The following MCC variants were observed in gnomAD, a reference collection of about 807,000 sequenced individuals.
The protein encoded by MCC is MCC regulator of Wnt signaling pathway.
MCC carries 90 observed loss-of-function variants against 116.2 expected under a neutral mutation model. The ratio of observed to expected loss-of-function variants is 0.77; its 90% CI spans 0.65 to 0.92. The LOEUF (loss-of-function observed/expected upper bound fraction) is 0.92. Among genes scored for constraint, MCC ranks in the 40% least tolerant of loss-of-function variants. The probability of loss-of-function intolerance (pLI) is 0.00; values close to 1 mark genes in which losing one functional copy is unlikely to be tolerated. For missense variants in MCC, 1,516 were observed against 1,312.2 expected (o/e 1.16, Z -2.40); for synonymous variants, 578 against 510.5 (o/e 1.13, Z -1.78).
rs1193489777 is a variant in MCC at position 113,434,230 on chromosome 5, C to T, written c.171-49018G>A. 2.5e-6 allele frequency: 4 copies of T among 1,614,074 alleles called. No individual in the cohort carries two copies. The highest frequency in any genetic ancestry group is 2.5e-6 in the Non-Finnish European group (3 of 1,179,954). ...CCGCAGACCATGATGTAGAGGATCA[C>T]GCCTAGGCTCCAGATGTCGTACACC... On this transcript the variant is annotated intron_variant, in intron 1 of 18. Transcript: ENST00000408903. This position sits in a 1 kb window ranked among gnomAD's most constrained non-coding sequence, Gnocchi z 4.2.
chr5:113,309,595 C>T (rs1380971828), intron 3 of MCC, among the ~76,000 whole-genome samples: 1 of 152,152 alleles, frequency 6.6e-6, no homozygotes, highest in Non-Finnish European at 1.5e-5. Flanking sequence ...CACATATATA[C>T]ACACACACCA....
chr5:113,385,938 C>T (rs1769244152), intron 1 of MCC, among the ~76,000 whole-genome samples: 1 of 151,782 alleles, frequency 6.6e-6, no homozygotes, highest in Admixed American at 6.6e-5. Flanking sequence ...GTGTATCCAG[C>T]CTATAGAGTC....
intron 3 of MCC, among the ~76,000 whole-genome samples, chr5:113,315,151 G>C (rs954481840): frequency 6.6e-6 from 1 of 152,144 alleles, no homozygotes; most frequent in Non-Finnish European, 1.5e-5. Context: ...ATTGGCTGAG[G>C]TGCTTTTAAG....
At chr5:113,082,219 T>C (rs1754911960) in intron 11 of MCC, among the ~76,000 whole-genome samples, 1 of 152,258 alleles carries the variant, frequency 6.6e-6, no homozygotes, top group East Asian at 1.9e-4. Flanking sequence ...GGGTATATGG[T>C]AAAATTACTC....
chr5:113,297,821 G>A (rs1766753451), intron 3 of MCC, among the ~76,000 whole-genome samples: 1 of 151,254 alleles, frequency 6.6e-6, no homozygotes, highest in East Asian at 1.9e-4. Flanking sequence ...GAAAGTAGAT[G>A]GAAATTGTGG....
intron 1 of MCC, among the ~76,000 whole-genome samples, chr5:113,426,733 T>C (rs1411849656): frequency 6.6e-6 from 1 of 152,234 alleles, no homozygotes; most frequent in Non-Finnish European, 1.5e-5. Context: ...GAATTCGTGA[T>C]GTCTCAAATA....
At chr5:113,385,606 G>C (rs1480039812) in intron 1 of MCC, among the ~76,000 whole-genome samples, 1 of 152,168 alleles carries the variant, frequency 6.6e-6, no homozygotes, top group African/African-American at 2.4e-5. Context: ...ACTCTTGGCA[G>C]AGTCCAAAAC....
At chr5:113,143,753 T>C (rs375112941) in intron 4 of MCC, among the ~76,000 whole-genome samples, 2 of 152,072 alleles carry the variant, frequency 1.3e-5, no homozygotes, top group African/African-American at 2.4e-5. Context: ...TTGCATGGAG[T>C]TGATTCAGAA....
intron 18 of MCC, among the ~76,000 whole-genome samples, 159 bp from the exon 19 acceptor site, chr5:113,027,641 A>G (rs1369603497): frequency 6.6e-6 from 1 of 152,058 alleles, no homozygotes; most frequent in Non-Finnish European, 1.5e-5. Flanking sequence ...CAGAGGAGGG[A>G]CAGCACCAGG....
intron 1 of MCC, among the ~76,000 whole-genome samples, chr5:113,464,403 T>C (rs1158833981): frequency 1.3e-5 from 2 of 152,330 alleles, no homozygotes; most frequent in East Asian, 3.9e-4. Flanking sequence ...CCTTTGCTGT[T>C]CCTTTAATCA....
intron 3 of MCC, among the ~76,000 whole-genome samples, chr5:113,282,904 T>C (rs971802411): frequency 2.0e-5 from 3 of 152,196 alleles, no homozygotes; most frequent in Non-Finnish European, 4.4e-5. Flanking sequence ...GCTAAAGCCC[T>C]CTCCTAAAAC....
At chr5:113,178,597 ACTT>A (rs1249843357) in intron 3 of MCC, among the ~76,000 whole-genome samples, 2 of 152,148 alleles carry the variant, frequency 1.3e-5, no homozygotes, top group Non-Finnish European at 2.9e-5. Context: ...AGATAGCTAA[ACTT>A]CTGCCAACAA....
At chr5:113,128,252 C>CAGAT (rs1358929559) in intron 5 of MCC, among the ~76,000 whole-genome samples, 1 of 152,178 alleles carries the variant, frequency 6.6e-6, no homozygotes, top group Non-Finnish European at 1.5e-5. Context: ...GGAGAAGAGC[C>CAGAT]AGATGGTCAT....
intron 1 of MCC, among the ~76,000 whole-genome samples, chr5:113,416,776 C>A (rs1770162814): frequency 6.6e-6 from 1 of 152,052 alleles, no homozygotes; most frequent in Non-Finnish European, 1.5e-5. Flanking sequence ...ACATATATTA[C>A]TTCTTCAATA....
chr5:113,174,314 T>C (rs1482629800), intron 3 of MCC, among the ~76,000 whole-genome samples: 1 of 152,208 alleles, frequency 6.6e-6, no homozygotes, highest in Non-Finnish European at 1.5e-5. Flanking sequence ...TGGTGGAGGC[T>C]GGATGGAGTC....
At chr5:113,139,555 T>C (rs1308985890) in intron 5 of MCC, among the ~76,000 whole-genome samples, 1 of 152,002 alleles carries the variant, frequency 6.6e-6, no homozygotes, top group Non-Finnish European at 1.5e-5. Flanking sequence ...CACAACAAAA[T>C]ACCATCTCAC....
chr5:113,458,133 T>A (rs1374386573), intron 1 of MCC, among the ~76,000 whole-genome samples: 1 of 152,160 alleles, frequency 6.6e-6, no homozygotes, highest in Non-Finnish European at 1.5e-5. Context: ...GAGCTAGCAG[T>A]GGCAACCCAC....
intron 6 of MCC, among the ~76,000 whole-genome samples, chr5:113,122,272 G>C (rs2150270116): frequency 6.6e-6 from 1 of 152,230 alleles, no homozygotes; most frequent in African/African-American, 2.4e-5. Flanking sequence ...CAACACATTG[G>C]AGTCATTTTG....
chr5:113,313,470 C>T (rs1404588486), intron 3 of MCC, among the ~76,000 whole-genome samples: 1 of 152,128 alleles, frequency 6.6e-6, no homozygotes, highest in African/African-American at 2.4e-5. Flanking sequence ...TATTCTGGCC[C>T]GAGAGTTCCT....
Sources: gnomAD v4.1 joint callset for allele counts (sites outside exome capture counted in the v4.1 genomes callset) on GRCh38, gnomAD v4.1.1 for gene constraint, Gnocchi (gnomAD v3.1) non-coding constraint, MANE v1.5 for transcripts, NCBI Gene and HGNC (gene_info 2026-07-23, HGNC 2026-07-21) for gene names.